MCPH1: variants seen among roughly 807,000 people sequenced by gnomAD.
MCPH1 encodes microcephalin.
MCPH1 carries 104 observed loss-of-function variants against 84.5 expected under a neutral mutation model. The ratio of observed to expected loss-of-function variants is 1.23; its 90% CI spans 1.05 to 1.45. MCPH1 has a LOEUF of 1.45. Ranked by LOEUF, MCPH1 falls within the 40% of genes most tolerant of loss-of-function variation. The pLI, the probability that MCPH1 is intolerant of heterozygous loss-of-function variation, is 0.00. For missense variants in MCPH1, 1,498 were observed against 1,005.7 expected, an observed-to-expected ratio of 1.49 and a Z score of -6.62; for synonymous variants, 514 against 366.8, an observed-to-expected ratio of 1.40 and a Z score of -4.58.
At chr8:6,541,745 T>C (rs1306499049) in intron 12 of MCPH1, among the ~76,000 whole-genome samples, 1 of 152,222 alleles carries the variant, frequency 6.6e-6, no homozygotes, top group African/African-American at 2.4e-5. Context: ...GGCTCACTCC[T>C]GTAATCCCAA....
intron 11 of MCPH1, among the ~76,000 whole-genome samples, chr8:6,487,722 C>A (rs1241658354): frequency 6.6e-6 from 1 of 152,208 alleles, no homozygotes; most frequent in Non-Finnish European, 1.5e-5. Context: ...AGGCCTGGGT[C>A]TCTGAACTTT....
At chr8:6,464,243 G>A (rs993021892) in intron 9 of MCPH1, among the ~76,000 whole-genome samples, 3 of 152,184 alleles carry the variant, frequency 2.0e-5, no homozygotes, top group Non-Finnish European at 2.9e-5. Flanking sequence ...TTTTGGCAGA[G>A]TGTACCCAGA....
intron 12 of MCPH1, among the ~76,000 whole-genome samples, chr8:6,558,113 TGTCATTTTTGG>T (rs1283087561): frequency 6.6e-6 from 1 of 152,196 alleles, no homozygotes; most frequent in Admixed American, 6.5e-5. Context: ...CCTCTCGTCA[TGTCATTTTTGG>T]GCCAGGAAAG....
At chr8:6,624,921 T>C (rs956423386) in intron 13 of MCPH1, 4 of 926,788 alleles carry the variant, frequency 4.3e-6, no homozygotes, top group Admixed American at 6.2e-5. Context: ...GTCACCAGGC[T>C]GGAGTGTGCA....
At chr8:6,592,598 G>A (rs6993124) in intron 12 of MCPH1, among the ~76,000 whole-genome samples, 11 of 143,858 alleles carry the variant, frequency 7.6e-5, no homozygotes, top group Non-Finnish European at 1.7e-4. Context: ...AGTCATCTAG[G>A]CTCTCGTTTT....
intron 11 of MCPH1, among the ~76,000 whole-genome samples, chr8:6,481,262 C>T (rs1793314818): frequency 6.6e-6 from 1 of 152,178 alleles, no homozygotes; most frequent in African/African-American, 2.4e-5. Flanking sequence ...CAAAATAATT[C>T]AGTGATTGTT....
intron 12 of MCPH1, among the ~76,000 whole-genome samples, chr8:6,533,608 G>A (rs1232888004): frequency 1.5e-5 from 2 of 136,414 alleles, no homozygotes; most frequent in African/African-American, 5.4e-5. Context: ...ATCTAATGAT[G>A]GGAACCATTC....
rs563835748 is a variant in MCPH1 at position 6,533,288 on chromosome 8, T to C, written c.2214+33359T>C. ...AAGGAAGAAGCTCATTTCACTGCCA[T>C]TGGTATAGCTATCCCTGTCTATGGC... On this transcript the variant is annotated intron_variant, in intron 12 of 13. Transcript: ENST00000344683. Among the ~76,000 whole-genome samples the C allele has an allele frequency of 3.9e-5, 6 of 152,352 alleles. No homozygotes were observed. The East Asian group carries it at 9.6e-4, about 24-fold the overall frequency.
chr8:6,445,274 G>C lies in MCPH1; in HGVS notation c.1552G>C (p.Ala518Pro), dbSNP rs748320867. The part of the protein sequence containing the change: ...RCCRQAGKED[A>P]CPEGNGFSYT... Reference sequence around the variant, plus strand: ...TTGTAGACAGGCTGGGAAAGAAGACGCATGCCCAGAGGGAAATGGCTTTTC... The same window carrying C: ...TTGTAGACAGGCTGGGAAAGAAGACCCATGCCCAGAGGGAAATGGCTTTTC... Residue 518 changes from alanine to proline, a missense_variant, in exon 8 of 14, where the codon GCA becomes CCA. Coordinates refer to ENST00000344683, the MANE Select transcript of MCPH1 (RefSeq NM_024596.5). 5 of 1,614,196 alleles carry C rather than the reference G, an allele frequency of 3.1e-6. No homozygotes were observed. The highest frequency in any genetic ancestry group is 4.2e-6 in the Non-Finnish European group (5 of 1,180,034).
chr8:6,486,765 G>T (rs1394271024), intron 11 of MCPH1, among the ~76,000 whole-genome samples: 1 of 152,174 alleles, frequency 6.6e-6, no homozygotes, highest in Admixed American at 6.5e-5. Flanking sequence ...ATTTATGGGA[G>T]ACAGGAAGTA....
At chr8:6,414,005 G>A (rs1471612548) in intron 2 of MCPH1, among the ~76,000 whole-genome samples, 2 of 152,032 alleles carry the variant, frequency 1.3e-5, no homozygotes, top group African/African-American at 4.8e-5. Context: ...CACCTGCCTC[G>A]GCCTCCCAAA....
At chr8:6,547,049 C>T (rs948351866) in intron 12 of MCPH1, among the ~76,000 whole-genome samples, 4 of 152,000 alleles carry the variant, frequency 2.6e-5, no homozygotes, top group African/African-American at 9.7e-5. Context: ...GCACGTGTTC[C>T]GTGTGTACCG....
chr8:6,527,446 C>A lies in MCPH1; in HGVS notation c.2214+27517C>A, dbSNP rs1818540209. On this transcript the variant is annotated intron_variant, in intron 12 of 13. Transcript: ENST00000344683. Reference sequence around the variant, plus strand: ...TCCCTCATGAGGTTTCTGACCCTTACACTAGACATGAAGAAACTCACCATT... The same window carrying A: ...TCCCTCATGAGGTTTCTGACCCTTAAACTAGACATGAAGAAACTCACCATT... 4 of 1,382,724 alleles carry A rather than the reference C, an allele frequency of 2.9e-6. 1 individual carries two copies. The Admixed American group carries it at 6.1e-5, about 21-fold the overall frequency. The allele number at this position is 1,382,724 out of a possible 1,614,324, so 85.7% of individuals were successfully genotyped here. A position where few individuals can be genotyped will look rare whatever the true frequency, so the allele number is the denominator to read the frequency against.
rs530445011 is a variant in MCPH1, at chr8:6,443,673, T to C, written c.671-720T>C. On this transcript the variant is annotated intron_variant, in intron 7 of 13. Coordinates refer to ENST00000344683, the MANE Select transcript of MCPH1 (RefSeq NM_024596.5). ...GGGCAGTATGATGCATGATGGTGTG[T>C]AGCAGAGGGGGCAAGGCCAGGGAGA... Among the ~76,000 whole-genome samples the C allele has an allele frequency of 2.1e-3, 323 of 152,294 alleles. 2 individuals are homozygous for C. The highest frequency in any genetic ancestry group is 7.6e-3 in the African/African-American group (315 of 41,568).
At chr8:6,610,250 G>C (rs547086005) in intron 12 of MCPH1, among the ~76,000 whole-genome samples, 1 of 152,276 alleles carries the variant, frequency 6.6e-6, no homozygotes, top group East Asian at 1.9e-4. Context: ...GCAAGAGCTG[G>C]GATGCAGACA....
At chr8:6,540,617 T>G (rs1021836500) in intron 12 of MCPH1, among the ~76,000 whole-genome samples, 1 of 152,238 alleles carries the variant, frequency 6.6e-6, no homozygotes, top group South Asian at 2.1e-4. Flanking sequence ...TATATAGATA[T>G]ATACACAGCA....
At chr8:6,535,468 A>G (rs1179088192) in intron 12 of MCPH1, among the ~76,000 whole-genome samples, 4 of 152,222 alleles carry the variant, frequency 2.6e-5, no homozygotes, top group Non-Finnish European at 4.4e-5. Flanking sequence ...TTAGCTATTC[A>G]GGATGACTAA....
chr8:6,454,860 G>T (rs1038843040), intron 8 of MCPH1, among the ~76,000 whole-genome samples: 1 of 152,192 alleles, frequency 6.6e-6, no homozygotes, highest in Non-Finnish European at 1.5e-5. Flanking sequence ...AGTGCGTAAG[G>T]TATGGGTATA....
intron 12 of MCPH1, among the ~76,000 whole-genome samples, chr8:6,553,172 T>C (rs1327126090): frequency 6.6e-6 from 1 of 152,090 alleles, no homozygotes; most frequent in Non-Finnish European, 1.5e-5. Context: ...ATGTTGATCG[T>C]AGGGGAGGTG....
Sources: gnomAD v4.1 joint callset for allele counts (sites outside exome capture counted in the v4.1 genomes callset) on GRCh38, gnomAD v4.1.1 for gene constraint, MANE v1.5 for transcripts, NCBI Gene and HGNC (gene_info 2026-07-23, HGNC 2026-07-21) for gene names.